IGSF22: variants seen among roughly 807,000 people sequenced by gnomAD.
IGSF22 encodes the protein immunoglobulin superfamily member 22.
A neutral mutation model predicts 127.0 loss-of-function variants in IGSF22; 119 were observed. That is an observed-to-expected ratio of 0.94 (90% CI 0.81 to 1.09). IGSF22 has a LOEUF of 1.09. IGSF22 is among the 50% of genes least tolerant of loss of function. The probability of loss-of-function intolerance (pLI) is 0.00; values close to 1 mark genes in which losing one functional copy is unlikely to be tolerated. For synonymous variants in IGSF22, 568 were observed against 664.7 expected (o/e 0.85, Z 2.24); for missense variants, 1,518 against 1,716.6 (o/e 0.88, Z 2.04).
At chr11:18,708,345 A>T (rs1372014745) in intron 18 of IGSF22, 50 bp from the exon 19 acceptor site, 3 of 1,434,484 alleles carry the variant, frequency 2.1e-6, no homozygotes, top group Non-Finnish European at 9.4e-7. Flanking sequence ...TTTCAAGAAG[A>T]CTCTGCTTTA....
Position 18,709,526 on chromosome 11 carries a change from G to A in IGSF22, c.2859C>T (p.Ile953=). The A allele has an allele frequency of 6.2e-7, 1 of 1,614,194 alleles. No individual in the cohort carries two copies. Among genetic ancestry groups the A allele is most frequent in the Non-Finnish European group, 8.5e-7 (1 of 1,180,040 alleles). ...CTGTGTAGCAGGTGCCTGAGATGGG[G>A]ATCTTTGTGCACTTGGACCACTCCT... ...DTKEWSKCTK[I]PISGTCYTVG... is the part of the protein sequence containing the mutation. Residue 953 remains isoleucine, a synonymous_variant, in exon 18 of 23, where the codon ATC becomes ATT. Coordinates refer to ENST00000513874, the MANE Select transcript of IGSF22 (RefSeq NM_173588.4). This position sits in a 1 kb window ranked among gnomAD's most constrained non-coding sequence, Gnocchi z 4.8.
chr11:18,721,829 C>A, intron 3 of IGSF22, 81 bp downstream of exon 3: 1 of 1,593,766 alleles, frequency 6.3e-7, no homozygotes, highest in South Asian at 1.1e-5. Context: ...CATTGGAGGT[C>A]GTTGGGGTAG....
chr11:18,708,419 C>T (rs1394852810), intron 18 of IGSF22, 124 bp from the exon 19 acceptor site: 1 of 654,902 alleles, frequency 1.5e-6, no homozygotes, highest in African/African-American at 1.8e-5. Context: ...GCCATACAGA[C>T]ATCTAGCTGC....
In IGSF22 at chr11:18,714,318, C is replaced by T. The variant is rs193141075; in HGVS notation, c.1757G>A (p.Arg586Gln). The T allele has an allele frequency of 2.4e-4, 395 of 1,614,194 alleles. 3 individuals carry two copies. In the East Asian group the frequency reaches 8.1e-3, roughly 33 times the overall value. ...GGCTTCACTTTCCGTGCCCTTGGCC[C>T]GGAATGTGTACTTGCCCTCGTGCTC... ...GPEHEGKYTF[R>Q]AKGTESEASV... Residue 586 changes from arginine (R) to glutamine (Q), a missense_variant, in exon 13 of 23, where the codon CGG becomes CAG. Physicochemically the swap from Arg to Gln is conservative, Grantham distance 43. This residue lies in a region of IGSF22 where 1,456 missense variants were observed against 1,644.9 expected (regional missense o/e 0.89). Transcript: ENST00000513874.
In IGSF22 at chr11:18,721,570, A is replaced by G. The variant is rs775348100; in HGVS notation, c.343T>C (p.Phe115Leu). 2.5e-6 allele frequency: 4 copies of G among 1,614,036 alleles called. No homozygotes were observed. In the African/African-American group the frequency reaches 5.3e-5, roughly 22 times the overall value. ...GIPIKESAKI[F>L]YDSINKEHVL... ...TGTTCCTTGTTAATGCTGTCGTAGA[A>G]TATCTTGGCGGACTCCTTGATGGGG... The change falls in exon 4 of 23, where the codon TTC becomes CTC. Residue 115 changes from phenylalanine (F) to leucine (L), a missense_variant. Physicochemically the swap from Phe to Leu is conservative, Grantham distance 22. Transcript: ENST00000513874.
At position 18,714,421 on chromosome 11, in the gene IGSF22, G is replaced by C. The variant is rs1184834379; in HGVS notation, c.1657-3C>G. 1 of 1,613,582 alleles carries C rather than the reference G, an allele frequency of 6.2e-7. No homozygotes were observed. The highest frequency in any genetic ancestry group is 1.7e-5 in the Admixed American group (1 of 60,000). ...TGCATGCCTGGCAAGTCCGTGATCT[G>C]GGGGTCAGGGGTGGGCCTGAGTGTG... On this transcript the variant is annotated splice_region_variant and splice_polypyrimidine_tract_variant and intron_variant, in intron 12 of 22. Coordinates refer to ENST00000513874, the MANE Select transcript of IGSF22 (RefSeq NM_173588.4).
chr11:18,725,901 T>G (rs1848643889), intron 1 of IGSF22, among the ~76,000 whole-genome samples, 173 bp downstream of exon 1: 1 of 152,070 alleles, frequency 6.6e-6, no homozygotes, highest in Non-Finnish European at 1.5e-5. Flanking sequence ...TAGTTAGGGG[T>G]TAAACTCTAT....
At position 18,710,419 on chromosome 11, in the gene IGSF22, G is replaced by C; in HGVS notation, c.2609C>G (p.Thr870Arg). The change falls in exon 17 of 23, where the codon ACA becomes AGA. Residue 870 changes from threonine (T) to arginine (R), a missense_variant. This residue lies in a region of IGSF22 where 1,456 missense variants were observed against 1,644.9 expected (regional missense o/e 0.89). Transcript: ENST00000513874. ...KCTVDGLLED[T>R]EYEFRVIAVN... ...AGCTATAACTCGGAATTCATATTCT[G>C]TGTCCTCCAGGAGACCATCCACAGT... 1 of 1,614,186 alleles carries C rather than the reference G, an allele frequency of 6.2e-7. No homozygotes were observed. Among genetic ancestry groups the C allele is most frequent in the Non-Finnish European group, 8.5e-7 (1 of 1,180,040 alleles).
At chr11:18,714,446 G>A (rs775858796) in intron 12 of IGSF22, 28 bp from the exon 13 acceptor site, 101 of 1,614,012 alleles carry the variant, frequency 6.3e-5, no homozygotes, top group Non-Finnish European at 7.8e-5. Context: ...GCCTGAGTGT[G>A]AGCATAGGCC....
In IGSF22 at chr11:18,707,708, G is replaced by A. The variant is rs573046589; in HGVS notation, c.3280+96C>T. 5 of 1,014,760 alleles carry A rather than the reference G, an allele frequency of 4.9e-6. No homozygotes were observed. The African/African-American group carries it at 6.4e-5, about 13-fold the overall frequency. 62.9% of individuals were successfully genotyped at this position (1,014,760 alleles called of 1,614,324 possible). On this transcript the variant is annotated intron_variant, in intron 20 of 22. Transcript: ENST00000513874. Reference sequence around the variant, plus strand: ...AGAAATCTTCATGGCCCTAAGGCATGACTTTCCTGTGGTAGGAACTCAAGC... The same window carrying A: ...AGAAATCTTCATGGCCCTAAGGCATAACTTTCCTGTGGTAGGAACTCAAGC...
At chr11:18,725,647 G>A (rs535041643) in intron 1 of IGSF22, among the ~76,000 whole-genome samples, 17 of 152,004 alleles carry the variant, frequency 1.1e-4, no homozygotes, top group South Asian at 2.1e-4. Context: ...TCACTATGTT[G>A]GCCAGGCTAG....
Position 18,714,419 on chromosome 11 carries a change from CT to C in IGSF22, c.1657-2del. On this transcript the variant is annotated splice_acceptor_variant, in intron 12 of 22. Coordinates refer to ENST00000513874, the MANE Select transcript of IGSF22 (RefSeq NM_173588.4). LOFTEE classifies it high-confidence loss of function. ...TCTGCATGCCTGGCAAGTCCGTGATCTGGGGGTCAGGGGTGGGCCTGAGTGT... is the reference window on the plus strand; with the variant it reads ...TCTGCATGCCTGGCAAGTCCGTGATCGGGGGTCAGGGGTGGGCCTGAGTGT... 1 of 1,614,034 alleles carries C rather than the reference CT, an allele frequency of 6.2e-7. No individual in the cohort carries two copies. The highest frequency in any genetic ancestry group is 1.1e-5 in the South Asian group (1 of 91,072).
chr11:18,711,949 G>C, intron 15 of IGSF22, 133 bp downstream of exon 15: 2 of 752,336 alleles, frequency 2.7e-6, no homozygotes, highest in Non-Finnish European at 4.3e-6. Context: ...TTTTACTCTG[G>C]AATCGGTCTG....
intron 2 of IGSF22, 87 bp from the exon 3 acceptor site, chr11:18,722,128 G>A: frequency 6.6e-7 from 1 of 1,507,042 alleles, no homozygotes; most frequent in Non-Finnish European, 9.1e-7. Flanking sequence ...AGAGGACGGT[G>A]GAGCATGGGA....
Position 18,719,861 on chromosome 11 carries a change from T to C in IGSF22, c.551A>G (p.Lys184Arg), listed in dbSNP as rs1295068376. 6.2e-7 allele frequency: 1 copy of C among 1,614,186 alleles called. No individual in the cohort carries two copies. Among genetic ancestry groups the C allele is most frequent in the Non-Finnish European group, 8.5e-7 (1 of 1,180,028 alleles). ...APPAPKKKQK[K>R]VANEKEMLEI... is the part of the protein sequence containing the mutation. ...CAGCATCTCTTTCTCATTTGCCACC[T>C]TCTTCTGCTTCTTCTTGGGAGCAGG... The change falls in exon 7 of 23, where the codon AAG (lysine) becomes AGG (arginine). Residue 184 changes from lysine to arginine, a missense_variant. By Grantham distance (26) the Lys-to-Arg change is conservative. This residue lies in a region of IGSF22 where 1,456 missense variants were observed against 1,644.9 expected (regional missense o/e 0.89). Transcript: ENST00000513874.
Position 18,714,010 on chromosome 11 carries a change from A to G in IGSF22, c.1937T>C (p.Met646Thr), listed in dbSNP as rs1848407795. ...LPKVTWYKDG[M>T]EVTEEERVSM... ...CACGCGTTCCTCCTCCGTCACTTCC[A>G]TGCCATCCTTGTACCATGTCACTTT... The change falls in exon 14 of 23, where the codon ATG becomes ACG. Residue 646 changes from methionine (M) to threonine (T), a missense_variant. This residue lies in a region of IGSF22 where 1,456 missense variants were observed against 1,644.9 expected (regional missense o/e 0.89). Coordinates refer to ENST00000513874, the MANE Select transcript of IGSF22 (RefSeq NM_173588.4). 6.2e-7 allele frequency: 1 copy of G among 1,614,138 alleles called. No individual in the cohort carries two copies. Among genetic ancestry groups the G allele is most frequent in the Non-Finnish European group, 8.5e-7 (1 of 1,180,052 alleles).
Position 18,716,747 on chromosome 11 carries a change from C to A in IGSF22, c.1227G>T (p.Lys409Asn), listed in dbSNP as rs1169412528. Reference sequence around the variant, plus strand: ...ACTCACGGTCAACAGTGAGCTGGGCCTTTTGTACCAGGTTCCCCGCCTCAG... The same window carrying A: ...ACTCACGGTCAACAGTGAGCTGGGCATTTTGTACCAGGTTCCCCGCCTCAG... ...FSAEAGNLVQ[K>N]AQLTVDRIPI... Residue 409 changes from lysine to asparagine, a missense_variant, in exon 10 of 23, where the codon AAG becomes AAT. Physicochemically the swap from Lys to Asn is moderately conservative, Grantham distance 94. This residue lies in a region of IGSF22 where 1,456 missense variants were observed against 1,644.9 expected (regional missense o/e 0.89). Coordinates refer to ENST00000513874, the MANE Select transcript of IGSF22 (RefSeq NM_173588.4). This position sits in a 1 kb window ranked among gnomAD's most constrained non-coding sequence, Gnocchi z 4.5. The A allele has an allele frequency of 1.2e-6, 2 of 1,613,998 alleles. No individual in the cohort carries two copies. Among genetic ancestry groups the A allele is most frequent in the African/African-American group, 2.7e-5 (2 of 74,916 alleles).
chr11:18,712,242 C>T lies in IGSF22; in HGVS notation c.2238G>A (p.Lys746=). The change falls in exon 15 of 23, where the codon AAG becomes AAA. Residue 746 remains lysine, a synonymous_variant. Transcript: ENST00000513874. ...CCACCTCGCCTATCTTAATCCAGGA[C>T]TTCTTGCCAACTGCCCTCCGTTCCA... The part of the protein sequence containing the change: ...FIVERRAVGK[K]SWIKIGEVDG... 2 of 1,551,774 alleles carry T rather than the reference C, an allele frequency of 1.3e-6. No homozygotes were observed. Among genetic ancestry groups the T allele is most frequent in the Non-Finnish European group, 1.7e-6 (2 of 1,147,002 alleles).
At chr11:18,710,047 C>A (rs1250461994) in intron 17 of IGSF22, among the ~76,000 whole-genome samples, 1 of 152,164 alleles carries the variant, frequency 6.6e-6, no homozygotes, top group African/African-American at 2.4e-5. Context: ...TACCTCACAC[C>A]CTTACTCAAC....
Sources: allele counts gnomAD v4.1 joint callset (sites outside exome capture counted in the v4.1 genomes callset), GRCh38; gene constraint gnomAD v4.1.1; regional missense constraint gnomAD v4.1.1; non-coding constraint Gnocchi (gnomAD v3.1); transcripts MANE v1.5; gene names NCBI Gene and HGNC (gene_info 2026-07-23, HGNC 2026-07-21).